Variants in USP13 observed in about 807,000 individuals in gnomAD.
The protein encoded by USP13 is ubiquitin carboxyl-terminal hydrolase 13.
USP13 carries 68 observed loss-of-function variants against 107.8 expected under a neutral mutation model. The ratio of observed to expected loss-of-function variants is 0.63; its 90% CI spans 0.52 to 0.77. The LOEUF is 0.77. Ranked by LOEUF, USP13 falls within the 30% of genes least tolerant of loss-of-function variation. The pLI is 0.00. For synonymous variants in USP13, 377 were observed against 389.5 expected (o/e 0.97, Z 0.38); for missense variants, 945 against 1,093.3 (o/e 0.86, Z 1.91).
intron 1 of USP13, among the ~76,000 whole-genome samples, chr3:179,656,781 C>T (rs56151862): frequency 0.017 from 2,530 of 152,290 alleles, 65 homozygotes; most frequent in African/African-American, 0.056. Flanking sequence ...GACATGTTCA[C>T]GTGCTTGTCT....
chr3:179,720,055 T>C (rs777160071), intron 7 of USP13, 21 bp downstream of exon 7: 21 of 1,601,748 alleles, frequency 1.3e-5, no homozygotes, highest in Non-Finnish European at 1.6e-5. Flanking sequence ...CTTTTGTTTC[T>C]GTTTCCATCT....
At chr3:179,697,358 C>T (rs182408694) in intron 3 of USP13, among the ~76,000 whole-genome samples, 131 of 152,290 alleles carry the variant, frequency 8.6e-4, no homozygotes, top group African/African-American at 3.0e-3. Context: ...AGATCGCTTA[C>T]CTCCAACAAT....
chr3:179,712,968 C>CT (rs1712982629), intron 6 of USP13, among the ~76,000 whole-genome samples: 1 of 151,466 alleles, frequency 6.6e-6, no homozygotes. Flanking sequence ...ATTTGTAGTT[C>CT]TTTTTTGTGA....
chr3:179,668,506 C>T (rs1720650791), intron 1 of USP13, among the ~76,000 whole-genome samples: 2 of 152,218 alleles, frequency 1.3e-5, no homozygotes, highest in African/African-American at 4.8e-5. Context: ...TTCTGTTTTA[C>T]TGGTGACCTG....
intron 1 of USP13, among the ~76,000 whole-genome samples, chr3:179,669,653 C>T (rs1720689002): frequency 6.6e-6 from 1 of 152,058 alleles, no homozygotes; most frequent in Non-Finnish European, 1.5e-5. Flanking sequence ...TCTCAGCTGT[C>T]CAGTAAGGTA....
At chr3:179,723,087 G>T (rs1713384660) in intron 8 of USP13, among the ~76,000 whole-genome samples, 1 of 152,220 alleles carries the variant, frequency 6.6e-6, no homozygotes, top group African/African-American at 2.4e-5. Flanking sequence ...AAGTGCGGAA[G>T]AGGACATATA....
intron 13 of USP13, among the ~76,000 whole-genome samples, chr3:179,752,056 A>C (rs1020860863): frequency 1.3e-5 from 2 of 152,204 alleles, no homozygotes; most frequent in South Asian, 4.1e-4. Context: ...AGCATTCTTA[A>C]ACGATAACAT....
intron 2 of USP13, among the ~76,000 whole-genome samples, chr3:179,687,370 C>G (rs1426103213): frequency 2.6e-5 from 4 of 151,960 alleles, no homozygotes; most frequent in African/African-American, 7.3e-5. Context: ...CTTAAAAGGA[C>G]TAGTGCTGGC....
rs1431017613 is a variant in USP13 at position 179,761,096 on chromosome 3, C to G, written c.1949-16C>G. On this transcript the variant is annotated splice_polypyrimidine_tract_variant and intron_variant, in intron 16 of 20. Transcript: ENST00000263966. ...GTTTCCTCTTTCACACTAGAATATC[C>G]TGTTGTGCTCTGTAGCATCAGACAT... is the stretch of plus-strand genomic sequence containing the variant. 1.2e-6 allele frequency: 2 copies of G among 1,613,918 alleles called. No individual in the cohort carries two copies. The highest frequency in any genetic ancestry group is 2.7e-5 in the African/African-American group (2 of 74,916).
intron 19 of USP13, among the ~76,000 whole-genome samples, chr3:179,772,483 A>G (rs1181571839): frequency 6.6e-6 from 1 of 152,188 alleles, no homozygotes; most frequent in Non-Finnish European, 1.5e-5. Flanking sequence ...GTTCATTTGC[A>G]TAACGCTGGG....
chr3:179,680,423 G>T (rs1181033451), intron 1 of USP13, among the ~76,000 whole-genome samples: 1 of 152,148 alleles, frequency 6.6e-6, no homozygotes, highest in Non-Finnish European at 1.5e-5. Flanking sequence ...TCCCTAATCT[G>T]AAAATCGGAA....
chr3:179,693,076 C>A, intron 3 of USP13, among the ~76,000 whole-genome samples: 1 of 152,194 alleles, frequency 6.6e-6, no homozygotes, highest in East Asian at 1.9e-4. Context: ...CCATTAGCCC[C>A]ACATTCCATT....
intron 2 of USP13, among the ~76,000 whole-genome samples, chr3:179,682,211 A>T (rs1243311068): frequency 6.7e-6 from 1 of 149,070 alleles, no homozygotes; most frequent in Non-Finnish European, 1.5e-5. Flanking sequence ...TAAACTTCTG[A>T]TTGGTGTTTT....
chr3:179,682,449 C>A (rs1377591653), intron 2 of USP13, among the ~76,000 whole-genome samples: 1 of 152,104 alleles, frequency 6.6e-6, no homozygotes, highest in East Asian at 1.9e-4. Flanking sequence ...CTGCTTTGAA[C>A]TTTTTCTGTG....
intron 17 of USP13, 135 bp from the exon 18 acceptor site, chr3:179,763,867 T>G: frequency 8.3e-7 from 1 of 1,201,136 alleles, no homozygotes. Context: ...ATTACAGGCA[T>G]GAGCCACTGC....
At chr3:179,665,044 G>T (rs980291399) in intron 1 of USP13, among the ~76,000 whole-genome samples, 1 of 152,022 alleles carries the variant, frequency 6.6e-6, no homozygotes, top group Non-Finnish European at 1.5e-5. Context: ...CCAAGATCGC[G>T]CCATTGCACT....
chr3:179,745,935 A>G (rs1479489609), intron 13 of USP13, among the ~76,000 whole-genome samples: 2 of 152,042 alleles, frequency 1.3e-5, no homozygotes, highest in Non-Finnish European at 2.9e-5. Flanking sequence ...AGTTGATTTG[A>G]TGCAGTCGAG....
chr3:179,778,622 C>T (rs1047603019), intron 19 of USP13, among the ~76,000 whole-genome samples: 4 of 152,108 alleles, frequency 2.6e-5, no homozygotes, highest in South Asian at 2.1e-4. Flanking sequence ...AAAAATTAGC[C>T]GGGCATAGTG....
At chr3:179,778,620 G>T (rs1163563466) in intron 19 of USP13, among the ~76,000 whole-genome samples, 1 of 152,186 alleles carries the variant, frequency 6.6e-6, no homozygotes, top group Non-Finnish European at 1.5e-5. Context: ...AAAAAAATTA[G>T]CCGGGCATAG....
Sources: allele counts gnomAD v4.1 joint callset (sites outside exome capture counted in the v4.1 genomes callset), GRCh38; gene constraint gnomAD v4.1.1; transcripts MANE v1.5; gene names NCBI Gene and HGNC (gene_info 2026-07-23, HGNC 2026-07-21).